DCDC1: variants seen among roughly 807,000 people sequenced by gnomAD.
The protein encoded by DCDC1 is doublecortin domain-containing protein 1.
A neutral mutation model predicts 178.3 loss-of-function variants in DCDC1; 200 were observed. The observed-to-expected ratio is 1.12, with a 90% CI of 1.00 to 1.26. The LOEUF is 1.26. Among genes scored for constraint, DCDC1 ranks in the 50% most tolerant of loss-of-function variants. The pLI, the probability that DCDC1 is intolerant of heterozygous loss-of-function variation, is 0.00. For synonymous variants in DCDC1, 690 were observed against 604.8 expected (o/e 1.14, Z -2.07); for missense variants, 1,983 against 1,749.2 (o/e 1.13, Z -2.38).
intron 7 of DCDC1, among the ~76,000 whole-genome samples, chr11:31,273,947 A>C (rs1423882067): frequency 1.3e-5 from 2 of 152,042 alleles, no homozygotes; most frequent in Non-Finnish European, 2.9e-5. Context: ...ATCAGATCGC[A>C]TGAGACTAAC....
intron 9 of DCDC1, among the ~76,000 whole-genome samples, chr11:31,197,211 T>C (rs920968677): frequency 3.9e-5 from 6 of 152,018 alleles, no homozygotes; most frequent in African/African-American, 1.4e-4. Context: ...TTCAAGACAA[T>C]TTTTCAGAAA....
At position 30,894,329 on chromosome 11, in the gene DCDC1, C is replaced by T; in HGVS notation, c.4821G>A (p.Val1607=). 4 of 1,613,896 alleles carry T rather than the reference C, an allele frequency of 2.5e-6. No homozygotes were observed. Among genetic ancestry groups the T allele is most frequent in the Non-Finnish European group, 3.4e-6 (4 of 1,179,828 alleles). Residue 1607 remains valine (V), a synonymous_variant, in exon 35 of 39, where the codon GTG becomes GTA. Coordinates refer to ENST00000684477, the MANE Select transcript of DCDC1 (RefSeq NM_001387274.1). ...AGCCTCCTTCAACCACCACGGGCTG[C>T]ACAGGGCTCTTGGTAGGAACCATGG... ...PATMVPTKSP[V]QPVVVEGGWT...
At chr11:31,075,376 A>G (rs533800100) in intron 18 of DCDC1, among the ~76,000 whole-genome samples, 1 of 152,314 alleles carries the variant, frequency 6.6e-6, no homozygotes, top group East Asian at 1.9e-4. Flanking sequence ...CCTTTTTGAT[A>G]TAATGATTTC....
Position 31,106,877 on chromosome 11 carries a change from A to C in DCDC1, c.1671T>G (p.Asp557Glu). The C allele has an allele frequency of 1.3e-6, 1 of 766,082 alleles. No homozygotes were observed. Among genetic ancestry groups the C allele is most frequent in the Non-Finnish European group, 2.4e-6 (1 of 417,812 alleles). The allele number at this position is 766,082 out of a possible 1,614,324, so 47.5% of individuals were successfully genotyped here. ...GATTCTTAATTTCTTGGCCATTCTCATCAAAAAGCCGCATTGAAGAATAAT... is the reference window on the plus strand; with the variant it reads ...GATTCTTAATTTCTTGGCCATTCTCCTCAAAAAGCCGCATTGAAGAATAAT... ...GLNYSSMRLF[D>E]ENGQEIKNPL... Residue 557 changes from aspartate to glutamate, a missense_variant, in exon 13 of 39, where the codon GAT becomes GAG. Physicochemically the swap from Asp to Glu is conservative, Grantham distance 45. Coordinates refer to ENST00000684477, the MANE Select transcript of DCDC1 (RefSeq NM_001387274.1).
rs913414328 is a variant in DCDC1 at position 30,973,044 on chromosome 11, G to A, written c.2592-20476C>T. 1.4e-4 allele frequency among the ~76,000 whole-genome samples: 21 copies of A among 152,040 alleles called. 1 individual carries two copies. The highest frequency in any genetic ancestry group is 4.1e-4 in the African/African-American group (17 of 41,468). On this transcript the variant is annotated intron_variant, in intron 20 of 38. Transcript: ENST00000684477. ...CCCAGCACTTTTGGGGGCTGAAGTG[G>A]GTGGATAACCTGAGGTCAGGAGTTC...
At chr11:31,242,071 C>T (rs892880299) in intron 8 of DCDC1, among the ~76,000 whole-genome samples, 6 of 151,948 alleles carry the variant, frequency 3.9e-5, no homozygotes, top group African/African-American at 9.7e-5. Flanking sequence ...ATATAATCCA[C>T]ACCTTTATAA....
intron 1 of DCDC1, among the ~76,000 whole-genome samples, chr11:31,367,964 A>G (rs1027993236): frequency 9.2e-5 from 14 of 152,200 alleles, no homozygotes; most frequent in Admixed American, 7.2e-4. Context: ...TGGGACTGCT[A>G]TAATTTAAAA....
At chr11:30,993,065 T>C (rs1331214926) in intron 20 of DCDC1, among the ~76,000 whole-genome samples, 1 of 151,218 alleles carries the variant, frequency 6.6e-6, no homozygotes, top group Non-Finnish European at 1.5e-5. Context: ...AAAAGTAAAA[T>C]GGCACTCCAC....
chr11:30,899,735 T>A (rs1944519169), intron 33 of DCDC1, 93 bp from the exon 34 acceptor site: 1 of 914,072 alleles, frequency 1.1e-6, no homozygotes, highest in Non-Finnish European at 1.5e-6. Context: ...AGAAATAGAT[T>A]CAATTAGAAA....
In DCDC1 at chr11:31,180,513, T is replaced by C. The variant is rs191586199; in HGVS notation, c.1222-42729A>G. ...CAACTGAGGTACCCATCTCGTCTCA[T>C]TGGGACGGGTTAGACAGTGGGAGCA... On this transcript the variant is annotated intron_variant, in intron 9 of 38. Transcript: ENST00000684477. 7.2e-4 allele frequency among the ~76,000 whole-genome samples: 110 copies of C among 152,182 alleles called. 1 individual carries two copies. Among genetic ancestry groups the C allele is most frequent in the Non-Finnish European group, 7.5e-4 (51 of 68,002 alleles).
At chr11:31,159,485 G>GTA (rs1303451700) in intron 9 of DCDC1, among the ~76,000 whole-genome samples, 12 of 152,182 alleles carry the variant, frequency 7.9e-5, no homozygotes, top group African/African-American at 2.9e-4. Context: ...CTACTATCTA[G>GTA]TATCAAAGAA....
intron 9 of DCDC1, among the ~76,000 whole-genome samples, chr11:31,138,873 T>C (rs956327247): frequency 6.6e-5 from 10 of 152,180 alleles, no homozygotes; most frequent in African/African-American, 2.4e-4. Context: ...AGACACTTCA[T>C]CTGATGATAT....
At chr11:31,141,742 C>A (rs1472374860) in intron 9 of DCDC1, among the ~76,000 whole-genome samples, 3 of 152,130 alleles carry the variant, frequency 2.0e-5, no homozygotes, top group South Asian at 2.1e-4. Flanking sequence ...ATATACAAAA[C>A]ATGGTTATAA....
At chr11:31,358,681 C>G (rs1192981147) in intron 1 of DCDC1, among the ~76,000 whole-genome samples, 1 of 152,112 alleles carries the variant, frequency 6.6e-6, no homozygotes, top group Non-Finnish European at 1.5e-5. Flanking sequence ...ATTTTTGCAA[C>G]CTACTCATCT....
At chr11:31,025,819 A>T (rs1953191948) in intron 20 of DCDC1, among the ~76,000 whole-genome samples, 1 of 151,802 alleles carries the variant, frequency 6.6e-6, no homozygotes, top group African/African-American at 2.4e-5. Context: ...ATAAGCATTC[A>T]TCTCACAGAT....
intron 9 of DCDC1, among the ~76,000 whole-genome samples, chr11:31,215,912 C>T (rs1973493585): frequency 6.6e-6 from 1 of 152,114 alleles, no homozygotes; most frequent in Non-Finnish European, 1.5e-5. Context: ...GCAGTTAATG[C>T]TCTGGGGAAA....
At chr11:31,111,678 A>G (rs1198960089) in intron 11 of DCDC1, among the ~76,000 whole-genome samples, 1 of 152,216 alleles carries the variant, frequency 6.6e-6, no homozygotes, top group Non-Finnish European at 1.5e-5. Context: ...TACTGTCCCC[A>G]TAATCTCTTC....
intron 6 of DCDC1, among the ~76,000 whole-genome samples, chr11:31,293,866 C>G (rs1947407146): frequency 6.6e-6 from 1 of 152,174 alleles, no homozygotes; most frequent in Non-Finnish European, 1.5e-5. Flanking sequence ...TCTTTTGCCA[C>G]TACCATATAT....
chr11:31,226,027 G>T (rs1376436417), intron 9 of DCDC1, among the ~76,000 whole-genome samples: 1 of 152,066 alleles, frequency 6.6e-6, no homozygotes, highest in Non-Finnish European at 1.5e-5. Flanking sequence ...ACTGATAGGA[G>T]AATCTTGATG....
Sources: allele counts gnomAD v4.1 joint callset (sites outside exome capture counted in the v4.1 genomes callset), GRCh38; gene constraint gnomAD v4.1.1; transcripts MANE v1.5; gene names NCBI Gene and HGNC (gene_info 2026-07-23, HGNC 2026-07-21).